Variants in KIRREL3 observed in about 807,000 individuals in gnomAD.
KIRREL3 encodes kin of IRRE-like protein 3.
In KIRREL3, 36 loss-of-function variants were observed where a neutral mutation model predicts 89.7. The ratio of observed to expected loss-of-function variants is 0.40; its 90% CI spans 0.31 to 0.53. The LOEUF is 0.53. KIRREL3 is among the 20% of genes least tolerant of loss of function. The pLI is 0.49. For missense variants in KIRREL3, 864 were observed against 1,056.6 expected, an observed-to-expected ratio of 0.82 and a Z score of 2.53; for synonymous variants, 445 against 441.4, an observed-to-expected ratio of 1.01 and a Z score of -0.10.
chr11:126,737,372 G>T (rs1401009926), intron 1 of KIRREL3, among the ~76,000 whole-genome samples: 1 of 152,084 alleles, frequency 6.6e-6, no homozygotes, highest in African/African-American at 2.4e-5. Flanking sequence ...GGAGAGGGCG[G>T]AGGAGGGAGT....
chr11:126,888,529 C>T (rs1047334704), intron 1 of KIRREL3, among the ~76,000 whole-genome samples: 3 of 152,156 alleles, frequency 2.0e-5, no homozygotes, highest in Non-Finnish European at 4.4e-5. Flanking sequence ...AAAGGCTAGA[C>T]CAGAGGCCCT....
rs188532730 is a variant in KIRREL3, at chr11:126,474,099, G to C, written c.434-633C>G. Among the ~76,000 whole-genome samples, 5 of 151,372 alleles carry C rather than the reference G, an allele frequency of 3.3e-5. No individual in the cohort carries two copies. Among genetic ancestry groups the C allele is most frequent in the Non-Finnish European group, 7.4e-5 (5 of 67,934 alleles). On this transcript the variant is annotated intron_variant, in intron 4 of 16. Transcript: ENST00000525144. This position sits in a 1 kb window ranked among gnomAD's most constrained non-coding sequence, Gnocchi z 6.7. ...ATTACAGGCCTGAGCCACCATGCCC[G>C]GCCAACACCTGGTTAATTTTTGTAT... is the stretch of plus-strand genomic sequence containing the variant.
intron 1 of KIRREL3, among the ~76,000 whole-genome samples, chr11:126,919,359 A>C (rs1947176909): frequency 6.6e-6 from 1 of 152,224 alleles, no homozygotes; most frequent in African/African-American, 2.4e-5. Flanking sequence ...CCAGTTGAGT[A>C]ATTAAAATCA....
At position 126,571,622 on chromosome 11, in the gene KIRREL3, A is replaced by C. The variant is rs181557284; in HGVS notation, c.56-8710T>G. On this transcript the variant is annotated intron_variant, in intron 1 of 16. Transcript: ENST00000525144. The surrounding 1 kb of genome is among the most constrained non-coding windows in gnomAD (Gnocchi z 7.7). ...TAAGGTAAGTGCTGTTATTATTCCT[A>C]TTTGACAGAAGGGAAACCGAGGATC... is the stretch of plus-strand genomic sequence containing the variant. 6.6e-6 allele frequency among the ~76,000 whole-genome samples: 1 copy of C among 152,250 alleles called. No individual in the cohort carries two copies. The highest frequency in any genetic ancestry group is 2.4e-5 in the African/African-American group (1 of 41,532).
intron 1 of KIRREL3, among the ~76,000 whole-genome samples, chr11:126,698,346 C>T (rs2135155486): frequency 6.6e-6 from 1 of 152,292 alleles, no homozygotes; most frequent in Non-Finnish European, 1.5e-5. Context: ...AATCCCTCTC[C>T]CAGGCCTGCT....
At chr11:126,584,125 G>T (rs929468894) in intron 1 of KIRREL3, among the ~76,000 whole-genome samples, 1 of 152,126 alleles carries the variant, frequency 6.6e-6, no homozygotes, top group South Asian at 2.1e-4. Context: ...AGCCATCCTC[G>T]TGAGTAAAAT....
intron 1 of KIRREL3, among the ~76,000 whole-genome samples, chr11:126,923,192 CTTCT>C (rs1565423193): frequency 0.011 from 124 of 10,900 alleles, 40 homozygotes; most frequent in African/African-American, 0.031. Flanking sequence ...TTCTTCTCTT[CTTCT>C]TCTTCTTCTT....
rs1439788486 is a variant in KIRREL3 at position 126,995,633 on chromosome 11, G to A, written c.55+4822C>T. Among the ~76,000 whole-genome samples, 1 of 151,930 alleles carries A rather than the reference G, an allele frequency of 6.6e-6. No individual in the cohort carries two copies. Among genetic ancestry groups the A allele is most frequent in the Non-Finnish European group, 1.5e-5 (1 of 67,998 alleles). ...GGGCAATTTTCTTTTCCTCATCCAT[G>A]TTTCCAAAACAGTTTATCTTTTTAT... On this transcript the variant is annotated intron_variant, in intron 1 of 16. Transcript: ENST00000525144. This position sits in a 1 kb window ranked among gnomAD's most constrained non-coding sequence, Gnocchi z 6.5.
chr11:126,932,003 C>T (rs1947966704), intron 1 of KIRREL3, among the ~76,000 whole-genome samples: 1 of 152,198 alleles, frequency 6.6e-6, no homozygotes, highest in Non-Finnish European at 1.5e-5. Flanking sequence ...AAGAATGTAT[C>T]AAGGAGGCTT....
At chr11:126,626,029 C>A (rs903100791) in intron 1 of KIRREL3, among the ~76,000 whole-genome samples, 1 of 152,244 alleles carries the variant, frequency 6.6e-6, no homozygotes, top group African/African-American at 2.4e-5. Flanking sequence ...AAGTGTACTA[C>A]ATAAGTTTAT....
intron 1 of KIRREL3, among the ~76,000 whole-genome samples, chr11:126,779,292 A>G (rs1206850715): frequency 2.6e-5 from 4 of 152,128 alleles, no homozygotes; most frequent in African/African-American, 9.7e-5. Context: ...CAGCTCACCC[A>G]GGTCCCAGCC....
rs887434013 is a variant in KIRREL3 at position 126,995,472 on chromosome 11, C to T, written c.55+4983G>A. 3.2e-5 allele frequency: 12 copies of T among 377,322 alleles called. No homozygotes were observed. The highest frequency in any genetic ancestry group is 2.3e-4 in the African/African-American group (11 of 47,290). The allele number at this position is 377,322 out of a possible 1,614,324, so 23.4% of individuals were successfully genotyped here. A position where few individuals can be genotyped will look rare whatever the true frequency, so the allele number is the denominator to read the frequency against. On this transcript the variant is annotated intron_variant, in intron 1 of 16. Coordinates refer to ENST00000525144, the MANE Select transcript of KIRREL3 (RefSeq NM_032531.4). This position sits in a 1 kb window ranked among gnomAD's most constrained non-coding sequence, Gnocchi z 6.5. ...GCCTGCACTGTTTTTCACCTAAGGT[C>T]ATCTCGACAATTTACAAGGATAAGG...
Position 126,768,483 on chromosome 11 carries a change from A to T in KIRREL3, c.56-205571T>A, listed in dbSNP as rs1949917696. Among the ~76,000 whole-genome samples the T allele has an allele frequency of 6.6e-6, 1 of 152,240 alleles. No homozygotes were observed. Among genetic ancestry groups the T allele is most frequent in the Admixed American group, 6.5e-5 (1 of 15,286 alleles). On this transcript the variant is annotated intron_variant, in intron 1 of 16. Transcript: ENST00000525144. This position sits in a 1 kb window ranked among gnomAD's most constrained non-coding sequence, Gnocchi z 4.5. ...ATCCTTGGTTTAGTGTGTGTTGAAG[A>T]GACAGACAATAAAAAGACTAGACAT...
chr11:126,467,219 C>T (rs1428375291), intron 5 of KIRREL3, among the ~76,000 whole-genome samples: 4 of 152,238 alleles, frequency 2.6e-5, no homozygotes, highest in Non-Finnish European at 5.9e-5. Flanking sequence ...GCTGCCTGCT[C>T]AGGTGCCGCC....
chr11:126,671,378 T>A (rs1945940531), intron 1 of KIRREL3, among the ~76,000 whole-genome samples: 1 of 152,032 alleles, frequency 6.6e-6, no homozygotes, highest in African/African-American at 2.4e-5. Flanking sequence ...GGTGATGAGT[T>A]TTTAGATATT....
chr11:126,907,393 C>T (rs544511001), intron 1 of KIRREL3, among the ~76,000 whole-genome samples: 6 of 152,174 alleles, frequency 3.9e-5, no homozygotes, highest in South Asian at 2.1e-4. Context: ...GTGAAGGCTG[C>T]GATAGAGAGG....
At position 126,639,120 on chromosome 11, in the gene KIRREL3, A is replaced by G. The variant is rs1013166770; in HGVS notation, c.56-76208T>C. Among the ~76,000 whole-genome samples, 1 of 152,160 alleles carries G rather than the reference A, an allele frequency of 6.6e-6. No individual in the cohort carries two copies. The highest frequency in any genetic ancestry group is 1.9e-4 in the East Asian group (1 of 5,190). On this transcript the variant is annotated intron_variant, in intron 1 of 16. Coordinates refer to ENST00000525144, the MANE Select transcript of KIRREL3 (RefSeq NM_032531.4). This position sits in a 1 kb window ranked among gnomAD's most constrained non-coding sequence, Gnocchi z 4.3. ...TCTTCATGACTTGGCCAGCCCCCCAATCATCCCAAAGCCCAGTTAAGAGAA... is the reference window on the plus strand; with the variant it reads ...TCTTCATGACTTGGCCAGCCCCCCAGTCATCCCAAAGCCCAGTTAAGAGAA...
chr11:126,667,959 T>TGGGGCAA (rs1318904859), intron 1 of KIRREL3, among the ~76,000 whole-genome samples: 1 of 152,146 alleles, frequency 6.6e-6, no homozygotes, highest in East Asian at 1.9e-4. Flanking sequence ...CTTCTTTCTC[T>TGGGGCAA]GGGGCAAGGG....
At chr11:126,626,253 T>C (rs1042905333) in intron 1 of KIRREL3, among the ~76,000 whole-genome samples, 6 of 152,308 alleles carry the variant, frequency 3.9e-5, no homozygotes, top group East Asian at 3.9e-4. Flanking sequence ...TGGGGCTGGG[T>C]GTGCCCTTTA....
Sources: allele counts gnomAD v4.1 joint callset (sites outside exome capture counted in the v4.1 genomes callset), GRCh38; gene constraint gnomAD v4.1.1; non-coding constraint Gnocchi (gnomAD v3.1); transcripts MANE v1.5; gene names NCBI Gene and HGNC (gene_info 2026-07-23, HGNC 2026-07-21).